The following EYS variants were observed in gnomAD, a reference collection of about 807,000 sequenced individuals.
EYS encodes the protein EGF-like photoreceptor maintenance factor.
Under a neutral mutation model 282.1 loss-of-function variants are expected in EYS, and 250 were observed. The observed-to-expected ratio is 0.89, with a 90% CI of 0.80 to 0.98. EYS has a LOEUF of 0.98. Among genes scored for constraint, EYS ranks in the 50% least tolerant of loss-of-function variants. EYS has a pLI of 0.00. For missense variants in EYS, 4,016 were observed against 3,709.0 expected, an observed-to-expected ratio of 1.08 and a Z score of -2.15; for synonymous variants, 1,355 against 1,282.9, an observed-to-expected ratio of 1.06 and a Z score of -1.20.
intron 31 of EYS, among the ~76,000 whole-genome samples, chr6:64,196,824 G>A (rs1043128528): frequency 7.9e-5 from 12 of 151,858 alleles, no homozygotes; most frequent in African/African-American, 2.9e-4. Context: ...CAGCACACCA[G>A]CATGGCACAT....
chr6:64,061,992 A>G (rs1269915633), intron 33 of EYS, among the ~76,000 whole-genome samples: 1 of 151,736 alleles, frequency 6.6e-6, no homozygotes, highest in Non-Finnish European at 1.5e-5. Flanking sequence ...TTTAGCCATC[A>G]TGCTATTTTT....
In EYS at chr6:64,388,818, C is replaced by A; in HGVS notation, c.5950G>T (p.Ala1984Ser). Residue 1984 changes from alanine (A) to serine (S), a missense_variant, in exon 29 of 43, where the codon GCT (alanine) becomes TCT (serine). By Grantham distance (99) the Ala-to-Ser change is moderately conservative. Coordinates refer to ENST00000503581, the MANE Select transcript of EYS (RefSeq NM_001142800.2). ...TTCCTCCCTAAAATAGTCAGCTCAG[C>A]GTTACATGGATCCAATTCTTGCCTG... ...LIRQELDPCN[A>S]ELTILGRNTQ... 2.6e-6 allele frequency: 4 copies of A among 1,524,058 alleles called. No homozygotes were observed. Among genetic ancestry groups the A allele is most frequent in the Non-Finnish European group, 8.8e-7 (1 of 1,134,840 alleles). 94.4% of individuals were successfully genotyped at this position (1,524,058 alleles called of 1,614,324 possible).
intron 28 of EYS, among the ~76,000 whole-genome samples, chr6:64,401,310 C>T (rs879208424): frequency 1.3e-5 from 2 of 151,974 alleles, no homozygotes; most frequent in Admixed American, 1.3e-4. Context: ...AAGCAATAAA[C>T]CTTCCTATAA....
At chr6:65,251,527 C>T (rs1767323738) in intron 12 of EYS, among the ~76,000 whole-genome samples, 1 of 151,584 alleles carries the variant, frequency 6.6e-6, no homozygotes, top group Non-Finnish European at 1.5e-5. Flanking sequence ...ACACTGTTGT[C>T]AAGATAACAA....
rs16895081 is a variant in EYS, at chr6:64,355,217, G to A, written c.6078+33473C>T. Among the ~76,000 whole-genome samples the A allele has an allele frequency of 8.6e-3, 1,311 of 151,650 alleles. 27 individuals carry two copies. The highest frequency in any genetic ancestry group is 0.029 in the African/African-American group (1,201 of 41,436). The stretch of plus-strand genomic sequence containing the variant: ...TCCCGATTGTGTGTATAATACACAT[G>A]GGAAAACAGAATTTTGTGTGCAAAT... On this transcript the variant is annotated intron_variant, in intron 29 of 42. Coordinates refer to ENST00000503581, the MANE Select transcript of EYS (RefSeq NM_001142800.2).
chr6:64,164,654 C>A (rs899707717), intron 31 of EYS, among the ~76,000 whole-genome samples: 1 of 152,166 alleles, frequency 6.6e-6, no homozygotes, highest in African/African-American at 2.4e-5. Flanking sequence ...ACAGGTTGTT[C>A]AATGCTTCAT....
At chr6:64,949,170 A>C (rs1294870446) in intron 14 of EYS, among the ~76,000 whole-genome samples, 1 of 151,936 alleles carries the variant, frequency 6.6e-6, no homozygotes, top group African/African-American at 2.4e-5. Context: ...AAAGATTACT[A>C]CAAGTTTCGT....
At chr6:64,131,777 A>G (rs1414196519) in intron 31 of EYS, among the ~76,000 whole-genome samples, 3 of 152,016 alleles carry the variant, frequency 2.0e-5, no homozygotes, top group East Asian at 1.9e-4. Flanking sequence ...CAGCCGGGAG[A>G]CTCTTGCTGA....
intron 31 of EYS, among the ~76,000 whole-genome samples, chr6:64,194,988 C>T (rs1303220727): frequency 6.6e-6 from 1 of 152,052 alleles, no homozygotes; most frequent in Non-Finnish European, 1.5e-5. Flanking sequence ...TTGCTGCTTG[C>T]AACACTTTTT....
At chr6:64,770,631 G>T (rs1214353367) in intron 22 of EYS, among the ~76,000 whole-genome samples, 1 of 151,870 alleles carries the variant, frequency 6.6e-6, no homozygotes, top group Non-Finnish European at 1.5e-5. Flanking sequence ...CAGCTTTACA[G>T]TAGGTGAGTT....
intron 7 of EYS, among the ~76,000 whole-genome samples, chr6:65,387,584 A>G (rs982548080): frequency 6.6e-6 from 1 of 151,952 alleles, no homozygotes; most frequent in Admixed American, 6.6e-5. Flanking sequence ...AATATTTTTT[A>G]AAGAGTTAAC....
intron 36 of EYS, among the ~76,000 whole-genome samples, chr6:63,816,861 T>C (rs1771191726): frequency 6.6e-6 from 1 of 152,240 alleles, no homozygotes; most frequent in Non-Finnish European, 1.5e-5. Context: ...TGCATCCTTC[T>C]TATACTTGCA....
intron 14 of EYS, among the ~76,000 whole-genome samples, chr6:64,979,269 A>C (rs1770575193): frequency 6.6e-6 from 1 of 151,818 alleles, no homozygotes; most frequent in South Asian, 2.1e-4. Context: ...AATTTTATGA[A>C]GTAACCAATG....
chr6:65,091,416 C>T (rs890755778), intron 12 of EYS, among the ~76,000 whole-genome samples: 2 of 150,964 alleles, frequency 1.3e-5, no homozygotes, highest in African/African-American at 2.4e-5. Context: ...CTCCATTGCA[C>T]TCCAGACTGG....
At chr6:64,098,162 C>A (rs999520680) in intron 31 of EYS, among the ~76,000 whole-genome samples, 2 of 152,042 alleles carry the variant, frequency 1.3e-5, no homozygotes, top group Non-Finnish European at 2.9e-5. Flanking sequence ...AATCGTTTTC[C>A]TAGATATTTC....
intron 30 of EYS, among the ~76,000 whole-genome samples, chr6:64,268,091 T>C (rs1767818749): frequency 6.6e-6 from 1 of 152,122 alleles, no homozygotes; most frequent in Non-Finnish European, 1.5e-5. Context: ...CATTTTTTTT[T>C]CCTAGCACAC....
intron 4 of EYS, among the ~76,000 whole-genome samples, chr6:65,491,048 T>C (rs1444820349): frequency 2.0e-5 from 3 of 152,150 alleles, no homozygotes; most frequent in Admixed American, 2.0e-4. Flanking sequence ...CATACATTGA[T>C]AGTATTGCAG....
chr6:64,203,394 G>A (rs1765522233), intron 31 of EYS, among the ~76,000 whole-genome samples: 1 of 152,176 alleles, frequency 6.6e-6, no homozygotes, highest in Non-Finnish European at 1.5e-5. Context: ...CAGGAACCTA[G>A]TCACGAGCCA....
chr6:65,697,922 G>A (rs988814273), intron 1 of EYS, among the ~76,000 whole-genome samples: 1 of 152,112 alleles, frequency 6.6e-6, no homozygotes, highest in Non-Finnish European at 1.5e-5. Context: ...CAAAACTGCT[G>A]TACTACCACA....
Sources: allele counts gnomAD v4.1 joint callset (sites outside exome capture counted in the v4.1 genomes callset), GRCh38; gene constraint gnomAD v4.1.1; transcripts MANE v1.5; gene names NCBI Gene and HGNC (gene_info 2026-07-23, HGNC 2026-07-21).